Variants in NSMCE2 observed in about 807,000 individuals in gnomAD.
NSMCE2 encodes the protein NSE2 SUMO ligase component of SMC5/6 complex.
A neutral mutation model predicts 23.8 loss-of-function variants in NSMCE2; 24 were observed. The ratio of observed to expected loss-of-function variants is 1.01; its 90% confidence interval spans 0.73 to 1.42. The LOEUF (loss-of-function observed/expected upper bound fraction) is 1.42, where lower values mean the gene tolerates loss of function less well. Ranked by LOEUF, NSMCE2 falls within the 40% of genes most tolerant of loss-of-function variation. The pLI is 0.00. For missense variants in NSMCE2, 284 were observed against 296.5 expected, an observed-to-expected ratio of 0.96 and a Z score of 0.31; for synonymous variants, 92 against 94.1, an observed-to-expected ratio of 0.98 and a Z score of 0.13.
chr8:125,350,860 G>T (rs1813002747), intron 5 of NSMCE2, among the ~76,000 whole-genome samples: 1 of 152,176 alleles, frequency 6.6e-6, no homozygotes. Context: ...GTCACATGGG[G>T]CTGTCTAGGC....
rs192092319 is a variant in NSMCE2 at position 125,343,821 on chromosome 8, C to A, written c.419-13398C>A. Among the ~76,000 whole-genome samples the A allele has an allele frequency of 1.3e-3, 197 of 151,908 alleles. 1 individual carries two copies. The highest frequency in any genetic ancestry group is 4.4e-3 in the African/African-American group (184 of 41,374). On this transcript the variant is annotated intron_variant, in intron 5 of 7. Transcript: ENST00000287437. ...CCATCCTGGCTAATTCGGTGAAACC[C>A]CGTCTCCACTAAAAAATAAGAAAAA...
chr8:125,140,434 G>A (rs1436529001), intron 3 of NSMCE2, among the ~76,000 whole-genome samples: 2 of 152,118 alleles, frequency 1.3e-5, no homozygotes, highest in African/African-American at 4.8e-5. Context: ...AGGCCAAGGC[G>A]GGAGAATTAC....
intron 5 of NSMCE2, among the ~76,000 whole-genome samples, chr8:125,287,638 A>G (rs1048972894): frequency 3.3e-5 from 5 of 152,002 alleles, no homozygotes; most frequent in African/African-American, 7.2e-5. Flanking sequence ...AACCCACTCA[A>G]CCCTTTAAAA....
intron 5 of NSMCE2, among the ~76,000 whole-genome samples, chr8:125,298,633 A>G (rs1274349698): frequency 6.6e-6 from 1 of 151,238 alleles, no homozygotes; most frequent in Non-Finnish European, 1.5e-5. Flanking sequence ...ATGGAATACC[A>G]TTGAACGTGA....
chr8:125,301,123 A>C (rs551557663), intron 5 of NSMCE2, among the ~76,000 whole-genome samples: 15 of 152,322 alleles, frequency 9.8e-5, no homozygotes, highest in East Asian at 1.9e-4. Context: ...TGAACAATCT[A>C]TGTGACCCAT....
chr8:125,266,091 TC>T (rs1826899876), intron 5 of NSMCE2, among the ~76,000 whole-genome samples: 2 of 122,672 alleles, frequency 1.6e-5, no homozygotes, highest in African/African-American at 2.6e-5. Context: ...TCAAATTTTT[TC>T]TTTTTTTTTT....
At chr8:125,174,460 A>G (rs1035117818) in intron 4 of NSMCE2, among the ~76,000 whole-genome samples, 1 of 152,208 alleles carries the variant, frequency 6.6e-6, no homozygotes, top group East Asian at 1.9e-4. Context: ...GTGTAAATAA[A>G]TCATTCCGGT....
At chr8:125,301,521 G>A (rs567874394) in intron 5 of NSMCE2, among the ~76,000 whole-genome samples, 17 of 152,208 alleles carry the variant, frequency 1.1e-4, no homozygotes, top group African/African-American at 3.9e-4. Flanking sequence ...GAAAGTACTT[G>A]GAAGACTTTC....
At chr8:125,266,856 A>G (rs1293977801) in intron 5 of NSMCE2, among the ~76,000 whole-genome samples, 1 of 152,192 alleles carries the variant, frequency 6.6e-6, no homozygotes, top group African/African-American at 2.4e-5. Context: ...AGTGTCTGTT[A>G]AAGAGGAAGA....
At chr8:125,225,824 C>T (rs543056734) in intron 5 of NSMCE2, among the ~76,000 whole-genome samples, 7 of 152,286 alleles carry the variant, frequency 4.6e-5, no homozygotes, top group South Asian at 2.1e-4. Flanking sequence ...GACAAATTAT[C>T]GTACTGTTTG....
At chr8:125,328,973 TCAGA>T (rs1281180960) in intron 5 of NSMCE2, among the ~76,000 whole-genome samples, 2 of 152,154 alleles carry the variant, frequency 1.3e-5, no homozygotes, top group Non-Finnish European at 2.9e-5. Context: ...GCCTGTCCCA[TCAGA>T]CAGTCTGCAG....
intron 5 of NSMCE2, among the ~76,000 whole-genome samples, chr8:125,311,965 G>A (rs972608343): frequency 6.6e-6 from 1 of 151,690 alleles, no homozygotes; most frequent in African/African-American, 2.4e-5. Context: ...CTACTCAGGA[G>A]GCTGAGGCAG....
At chr8:125,222,507 A>G (rs35114839) in intron 5 of NSMCE2, among the ~76,000 whole-genome samples, 1 of 151,846 alleles carries the variant, frequency 6.6e-6, no homozygotes, top group African/African-American at 2.4e-5. Context: ...CAACATCTCC[A>G]CATTTTCCCA....
intron 1 of NSMCE2, among the ~76,000 whole-genome samples, chr8:125,097,760 T>C (rs576672979): frequency 4.6e-5 from 7 of 152,350 alleles, no homozygotes; most frequent in African/African-American, 1.7e-4. Flanking sequence ...AAAGGAGTTA[T>C]GTTTATTCTG....
rs145511126 is a variant in NSMCE2 at position 125,213,390 on chromosome 8, C to T, written c.418+31134C>T. On this transcript the variant is annotated intron_variant, in intron 5 of 7. Transcript: ENST00000287437. ...TTCACTGCCCATATTGCTCATATGC[C>T]TAAGCTTCTTTGTTACTTTAGTAAA... Among the ~76,000 whole-genome samples the T allele has an allele frequency of 2.8e-4, 43 of 152,172 alleles. 1 individual carries two copies. The East Asian group carries it at 8.3e-3, about 29-fold the overall frequency.
intron 5 of NSMCE2, among the ~76,000 whole-genome samples, chr8:125,278,075 G>T (rs1827545459): frequency 6.6e-6 from 1 of 152,142 alleles, no homozygotes; most frequent in South Asian, 2.1e-4. Flanking sequence ...AAAATGCTGT[G>T]CACATAGCCC....
intron 5 of NSMCE2, among the ~76,000 whole-genome samples, chr8:125,259,685 A>G (rs530124430): frequency 4.6e-5 from 7 of 152,206 alleles, no homozygotes; most frequent in Middle Eastern, 3.2e-3. Context: ...TGCAGTACCC[A>G]CAAATTTAAC....
At chr8:125,341,462 C>T (rs145517916) in intron 5 of NSMCE2, among the ~76,000 whole-genome samples, 92 of 152,254 alleles carry the variant, frequency 6.0e-4, no homozygotes, top group African/African-American at 2.1e-3. Flanking sequence ...GAGTCAGGCC[C>T]GTAGGCTTTG....
chr8:125,239,652 G>A (rs1439543289), intron 5 of NSMCE2, among the ~76,000 whole-genome samples: 1 of 149,156 alleles, frequency 6.7e-6, no homozygotes, highest in African/African-American at 2.5e-5. Flanking sequence ...ACTATTAAAT[G>A]TTATGTGCTG....
Sources: gnomAD v4.1 joint callset for allele counts (sites outside exome capture counted in the v4.1 genomes callset) on GRCh38, gnomAD v4.1.1 for gene constraint, MANE v1.5 for transcripts, NCBI Gene and HGNC (gene_info 2026-07-23, HGNC 2026-07-21) for gene names.